The following BNC2 variants were observed in gnomAD, a reference collection of about 807,000 sequenced individuals.
The protein encoded by BNC2 is basonuclin zinc finger protein 2.
In BNC2, 20 loss-of-function variants were observed where a neutral mutation model predicts 76.3. The observed-to-expected ratio is 0.26, with a 90% CI of 0.18 to 0.38. BNC2 has a LOEUF of 0.38. Ranked by LOEUF, BNC2 falls within the 10% of genes least tolerant of loss-of-function variation. BNC2 has a pLI of 1.00. For synonymous variants in BNC2, 582 were observed against 514.8 expected, an observed-to-expected ratio of 1.13 and a Z score of -1.77; for missense variants, 1,382 against 1,399.8, an observed-to-expected ratio of 0.99 and a Z score of 0.20.
intron 5 of BNC2, among the ~76,000 whole-genome samples, chr9:16,522,055 G>A (rs1003275646): frequency 6.6e-6 from 1 of 152,136 alleles, no homozygotes; most frequent in East Asian, 1.9e-4. Context: ...TGCTTGAGCT[G>A]AGATGATTTT....
At chr9:16,707,700 G>A (rs1300833653) in intron 3 of BNC2, among the ~76,000 whole-genome samples, 1 of 152,144 alleles carries the variant, frequency 6.6e-6, no homozygotes, top group East Asian at 1.9e-4. Flanking sequence ...GGAGTGCAGT[G>A]GCACGGTTTC....
intron 6 of BNC2, chr9:16,434,840 G>C (rs752903633): frequency 2.2e-6 from 1 of 456,788 alleles, no homozygotes; most frequent in Non-Finnish European, 4.4e-6. Flanking sequence ...TGCATAATCC[G>C]CATGGTAGAC....
rs1290019896 is a variant in BNC2 at position 16,680,147 on chromosome 9, G to A, written c.330+47650C>T. Among the ~76,000 whole-genome samples, 3 of 152,090 alleles carry A rather than the reference G, an allele frequency of 2.0e-5. No individual in the cohort carries two copies. In the East Asian group the frequency reaches 5.8e-4, roughly 29 times the overall value. On this transcript the variant is annotated intron_variant, in intron 3 of 6. Coordinates refer to ENST00000380672, the MANE Select transcript of BNC2 (RefSeq NM_017637.6). Reference sequence around the variant, plus strand: ...TTTCAATAGAAACATACAACATTTTGGCAACTTGTGGTAAATGGTTTTCCG... The same window carrying A: ...TTTCAATAGAAACATACAACATTTTAGCAACTTGTGGTAAATGGTTTTCCG...
At chr9:16,849,484 A>T (rs979217537) in intron 1 of BNC2, among the ~76,000 whole-genome samples, 1 of 150,216 alleles carries the variant, frequency 6.7e-6, no homozygotes, top group African/African-American at 2.5e-5. Flanking sequence ...TCAGCCCCCA[A>T]AGTAGCTGAG....
intron 1 of BNC2, among the ~76,000 whole-genome samples, chr9:16,774,761 C>A (rs1261085034): frequency 6.6e-6 from 1 of 152,148 alleles, no homozygotes; most frequent in Non-Finnish European, 1.5e-5. Flanking sequence ...TACAAAAAAA[C>A]TAAGGCTACA....
chr9:16,677,297 G>A (rs1822672005), intron 3 of BNC2, among the ~76,000 whole-genome samples: 1 of 152,126 alleles, frequency 6.6e-6, no homozygotes, highest in African/African-American at 2.4e-5. Context: ...ACATGGCCAG[G>A]CATGGTGCCT....
At chr9:16,752,219 GT>G (rs1825239455) in intron 1 of BNC2, among the ~76,000 whole-genome samples, 1 of 152,022 alleles carries the variant, frequency 6.6e-6, no homozygotes, top group Non-Finnish European at 1.5e-5. Context: ...GTTTTGTTAA[GT>G]TATGTTTTAC....
intron 1 of BNC2, among the ~76,000 whole-genome samples, chr9:16,827,509 T>C (rs530862964): frequency 2.0e-5 from 3 of 152,276 alleles, no homozygotes; most frequent in South Asian, 2.1e-4. Context: ...TTGTCACTCA[T>C]TGTCATATTC....
intron 1 of BNC2, among the ~76,000 whole-genome samples, chr9:16,768,896 A>G (rs1825762392): frequency 6.6e-6 from 1 of 152,226 alleles, no homozygotes; most frequent in Admixed American, 6.5e-5. Flanking sequence ...AAAGACAGAA[A>G]GCAGAGCAGG....
intron 5 of BNC2, among the ~76,000 whole-genome samples, chr9:16,506,731 G>C (rs147978844): frequency 6.7e-6 from 1 of 149,170 alleles, no homozygotes; most frequent in Non-Finnish European, 1.5e-5. Context: ...TCACCATGTT[G>C]GCCAGGCTGT....
chr9:16,691,807 C>G (rs944685724), intron 3 of BNC2, among the ~76,000 whole-genome samples: 3 of 96,120 alleles, frequency 3.1e-5, no homozygotes, highest in Non-Finnish European at 6.5e-5. Flanking sequence ...CTGTGCCCAG[C>G]CATTTTTTTT....
intron 3 of BNC2, among the ~76,000 whole-genome samples, chr9:16,602,553 C>T (rs940336292): frequency 5.9e-5 from 9 of 152,168 alleles, no homozygotes; most frequent in Admixed American, 5.2e-4. Flanking sequence ...TTCAGTGGTG[C>T]CACATACCCC....
intron 5 of BNC2, among the ~76,000 whole-genome samples, chr9:16,535,396 CAT>C (rs1331369330): frequency 6.6e-6 from 1 of 152,194 alleles, no homozygotes; most frequent in African/African-American, 2.4e-5. Context: ...TCACTATAAA[CAT>C]AGTTAGGTCT....
At chr9:16,779,300 T>TAAAA (rs1826059745) in intron 1 of BNC2, among the ~76,000 whole-genome samples, 1 of 31,988 alleles carries the variant, frequency 3.1e-5, no homozygotes, top group African/African-American at 9.3e-5. Flanking sequence ...AGACCCTCTC[T>TAAAA]CAAAAAAAAA....
chr9:16,465,247 C>A (rs1010080368), intron 5 of BNC2, among the ~76,000 whole-genome samples: 3 of 152,038 alleles, frequency 2.0e-5, no homozygotes, highest in Non-Finnish European at 4.4e-5. Flanking sequence ...ACCAGCCTGG[C>A]CAACATGGCA....
intron 5 of BNC2, among the ~76,000 whole-genome samples, chr9:16,506,477 G>C (rs867735900): frequency 1.4e-5 from 2 of 140,886 alleles, no homozygotes; most frequent in African/African-American, 5.4e-5. Flanking sequence ...ACCCTTACTG[G>C]ATCAGATAAA....
intron 3 of BNC2, among the ~76,000 whole-genome samples, chr9:16,664,312 A>T (rs567657799): frequency 1.9e-4 from 29 of 152,178 alleles, no homozygotes; most frequent in Non-Finnish European, 3.1e-4. Flanking sequence ...GCTCAGAGGC[A>T]TGCTAAATCT....
chr9:16,461,501 C>T (rs1031368665), intron 5 of BNC2, among the ~76,000 whole-genome samples: 1 of 151,946 alleles, frequency 6.6e-6, no homozygotes, highest in African/African-American at 2.4e-5. Context: ...CTAAGAGCCT[C>T]CTAAGTGAGG....
intron 5 of BNC2, among the ~76,000 whole-genome samples, chr9:16,515,490 T>C (rs966208328): frequency 6.6e-6 from 1 of 152,094 alleles, no homozygotes; most frequent in Non-Finnish European, 1.5e-5. Context: ...CCCTGTTCTA[T>C]CCCACCAACT....
Sources: allele counts gnomAD v4.1 joint callset (sites outside exome capture counted in the v4.1 genomes callset), GRCh38; gene constraint gnomAD v4.1.1; transcripts MANE v1.5; gene names NCBI Gene and HGNC (gene_info 2026-07-23, HGNC 2026-07-21).